Variants in DPT observed in about 807,000 individuals in gnomAD.
DPT encodes dermatopontin.
A neutral mutation model predicts 31.2 loss-of-function variants in DPT; 21 were observed. The observed-to-expected ratio is 0.67, with a 90% confidence interval of 0.48 to 0.97. DPT has a LOEUF of 0.97. DPT is among the 50% of genes least tolerant of loss of function. The pLI is 0.00. For synonymous variants in DPT, 91 were observed against 86.9 expected (o/e 1.05, Z -0.26); for missense variants, 262 against 258.8 (o/e 1.01, Z -0.08).
At chr1:168,706,884 T>A (rs1027149210) in intron 2 of DPT, among the ~76,000 whole-genome samples, 1 of 152,216 alleles carries the variant, frequency 6.6e-6, no homozygotes, top group Non-Finnish European at 1.5e-5. Context: ...TCGTGTTGAT[T>A]TTCATTAGCC....
At chr1:168,705,134 A>G (rs1649690554) in intron 2 of DPT, among the ~76,000 whole-genome samples, 1 of 152,240 alleles carries the variant, frequency 6.6e-6, no homozygotes, top group Non-Finnish European at 1.5e-5. Flanking sequence ...TAGTTAAAGT[A>G]AAGATTTTCA....
intron 1 of DPT, among the ~76,000 whole-genome samples, chr1:168,714,611 T>A (rs1318399443): frequency 6.6e-6 from 1 of 152,242 alleles, no homozygotes; most frequent in Non-Finnish European, 1.5e-5. Context: ...TATTGTTAGA[T>A]GGAAGCCTGC....
intron 1 of DPT, among the ~76,000 whole-genome samples, chr1:168,723,669 C>T (rs1287765153): frequency 6.6e-6 from 1 of 152,144 alleles, no homozygotes; most frequent in Non-Finnish European, 1.5e-5. Context: ...CCTAACCTGA[C>T]AGCAATGTTT....
At chr1:168,710,504 C>A (rs969587252) in intron 2 of DPT, among the ~76,000 whole-genome samples, 14 of 152,144 alleles carry the variant, frequency 9.2e-5, no homozygotes, top group African/African-American at 2.7e-4. Flanking sequence ...CATTGCAGAT[C>A]AAGGCTTTGG....
At chr1:168,702,894 G>C (rs1649634642) in intron 2 of DPT, among the ~76,000 whole-genome samples, 1 of 152,308 alleles carries the variant, frequency 6.6e-6, no homozygotes, top group Admixed American at 6.5e-5. Context: ...TTACATGTAT[G>C]AGCCACTGCG....
chr1:168,714,399 C>G (rs371296932), intron 1 of DPT, 53 bp from the exon 2 acceptor site: 5 of 1,608,570 alleles, frequency 3.1e-6, no homozygotes, highest in East Asian at 2.2e-5. Context: ...TACACAGACC[C>G]CTTCCCAAGA....
chr1:168,712,876 G>A (rs1649897673), intron 2 of DPT, among the ~76,000 whole-genome samples: 1 of 152,142 alleles, frequency 6.6e-6, no homozygotes, highest in Non-Finnish European at 1.5e-5. Context: ...AACATGCTAA[G>A]TGCATTTTCC....
Position 168,696,479 on chromosome 1 carries a change from T to G in DPT, c.*70A>C, listed in dbSNP as rs1004150603. 6.7e-6 allele frequency: 9 copies of G among 1,336,854 alleles called. No homozygotes were observed. In the Admixed American group the frequency reaches 1.8e-4, roughly 26 times the overall value. 82.8% of individuals were successfully genotyped at this position (1,336,854 alleles called of 1,614,324 possible). On this transcript the variant is annotated 3_prime_UTR_variant, in exon 4 of 4. Transcript: ENST00000367817. Reference sequence around the variant, plus strand: ...AAACTTCTATAGGAGATCCAACTGATGTTAACATATGTGGACACCCTCCTG... The same window carrying G: ...AAACTTCTATAGGAGATCCAACTGAGGTTAACATATGTGGACACCCTCCTG...
At chr1:168,716,433 A>G (rs1327114100) in intron 1 of DPT, among the ~76,000 whole-genome samples, 1 of 152,026 alleles carries the variant, frequency 6.6e-6, no homozygotes, top group African/African-American at 2.4e-5. Context: ...GGGGCTCAGT[A>G]ATGCAGGTTA....
intron 1 of DPT, among the ~76,000 whole-genome samples, chr1:168,723,757 C>A (rs1667764100): frequency 6.6e-6 from 1 of 152,138 alleles, no homozygotes; most frequent in Non-Finnish European, 1.5e-5. Context: ...CTAGATTGTG[C>A]CCAAGACCCC....
chr1:168,714,456 C>T (rs558625036), intron 1 of DPT, 110 bp from the exon 2 acceptor site: 2 of 1,299,226 alleles, frequency 1.5e-6, no homozygotes, highest in South Asian at 3.0e-5. Flanking sequence ...AGATTCTTAA[C>T]AATTTATTCC....
At chr1:168,708,708 TC>T (rs34521216) in intron 2 of DPT, among the ~76,000 whole-genome samples, 4,702 of 152,294 alleles carry the variant, frequency 0.031, 102 homozygotes, top group African/African-American at 0.054. Flanking sequence ...AAGCTGCTCT[TC>T]TTACCAGGCC....
chr1:168,701,541 T>C (rs1000741493), intron 2 of DPT, among the ~76,000 whole-genome samples: 1 of 152,080 alleles, frequency 6.6e-6, no homozygotes, highest in Non-Finnish European at 1.5e-5. Context: ...GAAAAGAAAA[T>C]ATAAAAGCAT....
In DPT at chr1:168,711,009, TC is replaced by T. The variant is rs754157930; in HGVS notation, c.431+3211del. 8.0e-4 allele frequency among the ~76,000 whole-genome samples: 120 copies of T among 149,634 alleles called. 1 individual carries two copies. Among genetic ancestry groups the T allele is most frequent in the African/African-American group, 2.3e-3 (94 of 40,432 alleles). On this transcript the variant is annotated intron_variant, in intron 2 of 3. Transcript: ENST00000367817. ...TGTTTGACAACTTTGCTTTTTTTTT[TC>T]TTCTTCTTCTTTTTTTTTGAGTCAG...
At chr1:168,712,038 C>T (rs925598201) in intron 2 of DPT, among the ~76,000 whole-genome samples, 3 of 152,078 alleles carry the variant, frequency 2.0e-5, no homozygotes, top group African/African-American at 7.2e-5. Flanking sequence ...ATACACCCTC[C>T]ACAATTATTA....
At chr1:168,699,620 G>A (rs1649543993) in intron 3 of DPT, among the ~76,000 whole-genome samples, 1 of 149,718 alleles carries the variant, frequency 6.7e-6, no homozygotes, top group African/African-American at 2.5e-5. Context: ...AGAAATTCTA[G>A]GTCATATTAA....
intron 1 of DPT, among the ~76,000 whole-genome samples, chr1:168,716,558 T>G (rs1649990614): frequency 6.9e-6 from 1 of 144,488 alleles, no homozygotes; most frequent in South Asian, 2.2e-4. Flanking sequence ...TTTATTTTAC[T>G]TTAAGTTCCG....
intron 3 of DPT, 150 bp from the exon 4 acceptor site, chr1:168,696,765 T>C (rs1649476010): frequency 1.4e-6 from 1 of 707,138 alleles, no homozygotes; most frequent in African/African-American, 1.8e-5. Context: ...GACATCTTTA[T>C]GCAGTTTCCC....
At chr1:168,701,210 T>A (rs1467086752) in intron 2 of DPT, 86 bp from the exon 3 acceptor site, 19 of 1,068,878 alleles carry the variant, frequency 1.8e-5, no homozygotes, top group Non-Finnish European at 2.7e-5. Flanking sequence ...GAAGAAGAGA[T>A]GGAGTTTGAG....
Sources: allele counts gnomAD v4.1 joint callset (sites outside exome capture counted in the v4.1 genomes callset), GRCh38; gene constraint gnomAD v4.1.1; transcripts MANE v1.5; gene names NCBI Gene and HGNC (gene_info 2026-07-23, HGNC 2026-07-21).